Variants in DLG2 observed in about 807,000 individuals in gnomAD.
DLG2 encodes disks large homolog 2.
A neutral mutation model predicts 132.5 loss-of-function variants in DLG2; 45 were observed. The observed-to-expected ratio is 0.34, with a 90% CI of 0.27 to 0.44. The LOEUF is 0.44. Among genes scored for constraint, DLG2 ranks in the 20% least tolerant of loss-of-function variants. DLG2 has a pLI of 1.00. For missense variants in DLG2, 1,045 were observed against 1,196.9 expected, an observed-to-expected ratio of 0.87 and a Z score of 1.87; for synonymous variants, 424 against 419.6, an observed-to-expected ratio of 1.01 and a Z score of -0.13.
At chr11:84,725,843 AT>A (rs149583459) in intron 6 of DLG2, among the ~76,000 whole-genome samples, 2,333 of 148,730 alleles carry the variant, frequency 0.016, 73 homozygotes, top group African/African-American at 0.053. Context: ...CACTTGTCTG[AT>A]TTTTTTTTTA....
At chr11:83,574,338 A>G (rs2096842576) in intron 19 of DLG2, among the ~76,000 whole-genome samples, 1 of 152,188 alleles carries the variant, frequency 6.6e-6, no homozygotes, top group Admixed American at 6.6e-5. Context: ...GGAGTATAAA[A>G]GATATATATG....
intron 18 of DLG2, among the ~76,000 whole-genome samples, chr11:83,753,919 T>A (rs2093534605): frequency 7.4e-6 from 1 of 135,928 alleles, no homozygotes; most frequent in Admixed American, 7.8e-5. Context: ...ATATATTTCA[T>A]ATATATAGTG....
At chr11:84,249,237 T>C (rs2097341477) in intron 8 of DLG2, among the ~76,000 whole-genome samples, 1 of 152,154 alleles carries the variant, frequency 6.6e-6, no homozygotes, top group Non-Finnish European at 1.5e-5. Flanking sequence ...AGTGAAGAGA[T>C]TTTTTGGGAC....
At chr11:85,587,612 A>C (rs1488683783) in intron 3 of DLG2, among the ~76,000 whole-genome samples, 1 of 152,178 alleles carries the variant, frequency 6.6e-6, no homozygotes, top group East Asian at 1.9e-4. Flanking sequence ...TCTCTTGAAG[A>C]GAGCAGATAC....
chr11:84,372,309 C>A (rs1424974858), intron 7 of DLG2, among the ~76,000 whole-genome samples: 1 of 152,094 alleles, frequency 6.6e-6, no homozygotes, highest in African/African-American at 2.4e-5. Flanking sequence ...TTATGCTGGA[C>A]CGCATATGCA....
intron 7 of DLG2, among the ~76,000 whole-genome samples, chr11:84,530,128 G>A (rs1476420593): frequency 1.3e-5 from 2 of 151,878 alleles, no homozygotes; most frequent in East Asian, 3.9e-4. Context: ...CTTATACCAC[G>A]TACAAAAAAA....
chr11:85,406,392 T>C (rs1163581756), intron 3 of DLG2, among the ~76,000 whole-genome samples: 1 of 151,756 alleles, frequency 6.6e-6, no homozygotes, highest in East Asian at 1.9e-4. Flanking sequence ...TGGAGGAAAT[T>C]CTGAAAGGAA....
chr11:85,427,620 A>G (rs559427699), intron 3 of DLG2, among the ~76,000 whole-genome samples: 58 of 152,224 alleles, frequency 3.8e-4, no homozygotes, highest in Admixed American at 1.4e-3. Context: ...AGAGCTCCTG[A>G]AGGAAGCACT....
At chr11:84,574,596 C>T (rs1430594015) in intron 6 of DLG2, among the ~76,000 whole-genome samples, 1 of 152,178 alleles carries the variant, frequency 6.6e-6, no homozygotes, top group Non-Finnish European at 1.5e-5. Context: ...TGATCTTAGA[C>T]ACATGTTAAC....
At chr11:85,056,224 T>C (rs1182777870) in intron 6 of DLG2, among the ~76,000 whole-genome samples, 2 of 152,060 alleles carry the variant, frequency 1.3e-5, no homozygotes, top group Non-Finnish European at 1.5e-5. Flanking sequence ...CCCTAAGATA[T>C]GGGTACTTTT....
intron 6 of DLG2, among the ~76,000 whole-genome samples, chr11:84,548,260 G>A (rs1227245873): frequency 6.6e-6 from 1 of 151,996 alleles, no homozygotes; most frequent in Admixed American, 6.6e-5. Flanking sequence ...ATGAGACAAC[G>A]CTAAGTATTC....
intron 5 of DLG2, among the ~76,000 whole-genome samples, chr11:85,125,382 A>T (rs2074966773): frequency 6.6e-6 from 1 of 152,198 alleles, no homozygotes; most frequent in Non-Finnish European, 1.5e-5. Context: ...GTGTTAACAG[A>T]TGATTGGTAT....
intron 5 of DLG2, among the ~76,000 whole-genome samples, chr11:85,121,066 G>A (rs2074256066): frequency 6.6e-6 from 1 of 151,834 alleles, no homozygotes; most frequent in Non-Finnish European, 1.5e-5. Context: ...AGTTTTTTAA[G>A]TTCCTTTTGT....
intron 7 of DLG2, among the ~76,000 whole-genome samples, chr11:84,474,925 C>A (rs2099117659): frequency 6.6e-6 from 1 of 152,088 alleles, no homozygotes; most frequent in South Asian, 2.1e-4. Flanking sequence ...CTCTTACCTC[C>A]TTTGTGATAA....
chr11:84,328,833 G>A (rs1048633318), intron 7 of DLG2, among the ~76,000 whole-genome samples: 12 of 152,190 alleles, frequency 7.9e-5, no homozygotes, highest in African/African-American at 2.7e-4. Flanking sequence ...GCTTTAGCCA[G>A]TACATTTCCA....
At chr11:84,442,157 A>C (rs1002839688) in intron 7 of DLG2, among the ~76,000 whole-genome samples, 24 of 152,182 alleles carry the variant, frequency 1.6e-4, no homozygotes, top group Non-Finnish European at 2.2e-4. Flanking sequence ...TCTGTGAAGA[A>C]AGTCAATGAT....
At chr11:84,837,792 A>G (rs796531771) in intron 6 of DLG2, among the ~76,000 whole-genome samples, 27 of 151,946 alleles carry the variant, frequency 1.8e-4, no homozygotes, top group African/African-American at 6.5e-4. Flanking sequence ...GAAAACACTC[A>G]TTCCGCAATC....
chr11:84,676,786 C>T (rs1050783220), intron 6 of DLG2, among the ~76,000 whole-genome samples: 1 of 151,854 alleles, frequency 6.6e-6, no homozygotes, highest in Non-Finnish European at 1.5e-5. Context: ...CTTAATTATA[C>T]TGTAATATGT....
At chr11:83,963,133 A>G (rs1270210309) in intron 13 of DLG2, 110 bp from the exon 14 acceptor site, 2 of 1,254,986 alleles carry the variant, frequency 1.6e-6, no homozygotes, top group Non-Finnish European at 2.2e-6. Context: ...GCTGCATGCC[A>G]AGGTTTTTCT....
Sources: gnomAD v4.1 joint callset for allele counts (sites outside exome capture counted in the v4.1 genomes callset) on GRCh38, gnomAD v4.1.1 for gene constraint, MANE v1.5 for transcripts, NCBI Gene and HGNC (gene_info 2026-07-23, HGNC 2026-07-21) for gene names.